POM121: variants seen among roughly 807,000 people sequenced by gnomAD.
POM121 encodes POM121 transmembrane nucleoporin, also known as nuclear envelope pore membrane protein POM 121.
A neutral mutation model predicts 81.3 loss-of-function variants in POM121; 32 were observed. The ratio of observed to expected loss-of-function variants is 0.39; its 90% CI spans 0.30 to 0.53. The LOEUF (loss-of-function observed/expected upper bound fraction) is 0.53, where lower values mean the gene tolerates loss of function less well. Ranked by LOEUF, POM121 falls within the 20% of genes least tolerant of loss-of-function variation. The pLI is 0.66. For missense variants in POM121, 1,138 were observed against 1,614.6 expected (o/e 0.70, Z 5.06); for synonymous variants, 514 against 694.2 (o/e 0.74, Z 4.08).
intron 5 of POM121, 121 bp from the exon 6 acceptor site, chr7:72,938,469 G>T: frequency 8.2e-7 from 1 of 1,213,282 alleles, no homozygotes; most frequent in Non-Finnish European, 1.2e-6. Context: ...GGGATTACAG[G>T]CATGACTAAC....
chr7:72,944,404 AGT>A (rs1797450264), intron 11 of POM121, among the ~76,000 whole-genome samples: 1 of 152,080 alleles, frequency 6.6e-6, no homozygotes, highest in Admixed American at 6.6e-5. Context: ...GTCAGGATAA[AGT>A]GTATAAAAAA....
At chr7:72,904,142 C>T (rs1245632585) in intron 3 of POM121, among the ~76,000 whole-genome samples, 4 of 152,170 alleles carry the variant, frequency 2.6e-5, no homozygotes, top group African/African-American at 9.6e-5. Context: ...TTACTCCCTG[C>T]CTGCAGGGAG....
At chr7:72,893,834 CCTT>C (rs1791567574) in intron 3 of POM121, among the ~76,000 whole-genome samples, 1 of 152,144 alleles carries the variant, frequency 6.6e-6, no homozygotes, top group Admixed American at 6.5e-5. Flanking sequence ...GGATCCCACT[CCTT>C]CGATGAAACT....
rs781891033 is a variant in POM121, at chr7:72,943,189, G to A, written c.3196G>A (p.Gly1066Ser). ...AFGGSTAVFFGAATSSGFGAT... is the reference protein window; with the variant it reads ...AFGGSTAVFFSAATSSGFGAT... Reference sequence around the variant, plus strand: ...TGGCGGCTCCACTGCTGTCTTCTTCGGTGCAGCCACCAGCTCCGGCTTTGG... The same window carrying A: ...TGGCGGCTCCACTGCTGTCTTCTTCAGTGCAGCCACCAGCTCCGGCTTTGG... Residue 1066 changes from glycine to serine, a missense_variant, in exon 11 of 13, where the codon GGT (glycine) becomes AGT (serine). Physicochemically the swap from Gly to Ser is moderately conservative, Grantham distance 56 (BLOSUM62 0). Around this residue, in one of 7 missense-constraint regions of POM121, gnomAD observed 336 missense variants for 344.3 expected, o/e 0.98. Coordinates refer to ENST00000434423, the MANE Select transcript of POM121 (RefSeq NM_001387691.1). The A allele has an allele frequency of 1.2e-5, 19 of 1,612,988 alleles. No homozygotes were observed. Among genetic ancestry groups the A allele is most frequent in the Admixed American group, 1.7e-5 (1 of 59,990 alleles).
At chr7:72,926,565 AAAAG>A in intron 2 of POM121, 88 bp downstream of exon 2, 5 of 1,580,458 alleles carry the variant, frequency 3.2e-6, no homozygotes, top group Non-Finnish European at 3.5e-6. Context: ...TACAACGCAG[AAAAG>A]AAAGGACGAA....
rs1488799255 is a variant in POM121, at chr7:72,946,597, G to C, written c.*363G>C. ...TTCCCCGAGACCGTCGTCGCTGGAG[G>C]GGGCAGGGTCCAGCCCGCCTGGATC... On this transcript the variant is annotated 3_prime_UTR_variant, in exon 13 of 13. Coordinates refer to ENST00000434423, the MANE Select transcript of POM121 (RefSeq NM_001387691.1). 4.9e-5 allele frequency: 51 copies of C among 1,034,752 alleles called. No individual in the cohort carries two copies. The highest frequency in any genetic ancestry group is 5.6e-5 in the Non-Finnish European group (48 of 861,904). 64.1% of individuals were successfully genotyped at this position (1,034,752 alleles called of 1,614,324 possible). A position where few individuals can be genotyped will look rare whatever the true frequency, so the allele number is the denominator to read the frequency against.
rs1586047614 is a variant in POM121, at chr7:72,879,622, G to C, written c.-784G>C. 1.0e-5 allele frequency: 3 copies of C among 300,428 alleles called. No homozygotes were observed. The Admixed American group carries it at 1.5e-4, about 15-fold the overall frequency. The allele number at this position is 300,428 out of a possible 1,614,324, so 18.6% of individuals were successfully genotyped here. On this transcript the variant is annotated 5_prime_UTR_variant, in exon 1 of 16. Coordinates refer to the POM121 transcript ENST00000395270. ...GTGGTGGCGGAGGCGAAGGGGCGAC[G>C]GGACCTGGGCCTGGCCCGTGTGTGT...
intron 3 of POM121, among the ~76,000 whole-genome samples, chr7:72,911,158 A>G (rs1793766197): frequency 6.6e-6 from 1 of 152,002 alleles, no homozygotes; most frequent in Admixed American, 6.6e-5. Flanking sequence ...TCATGTTTGT[A>G]TTATTAGTAG....
intron 3 of POM121, chr7:72,891,115 G>A: frequency 2.0e-6 from 2 of 1,008,426 alleles, no homozygotes; most frequent in Non-Finnish European, 3.1e-6. Flanking sequence ...GTCCAGGTAA[G>A]TTAGTAGAGT....
At chr7:72,949,372 A>C, downstream of POM121, 1 of 875,878 alleles carries the variant, frequency 1.1e-6, no homozygotes, top group Non-Finnish European at 2.0e-6. Flanking sequence ...GCGCGGATCT[A>C]AGGGGGAGAC....
chr7:72,950,022 C>T (rs529014813), downstream of POM121: 1 of 1,548,662 alleles, frequency 6.5e-7, no homozygotes, highest in East Asian at 2.2e-5. Context: ...CTTCCCGTGC[C>T]TACACATTCT....
chr7:72,926,813 T>C lies in POM121; in HGVS notation c.872T>C (p.Ile291Thr). The change falls in exon 3 of 13, where the codon ATA (isoleucine) becomes ACA (threonine). Residue 291 changes from isoleucine (I) to threonine (T), a missense_variant. By Grantham distance (89) the Ile-to-Thr change is moderately conservative. Around this residue, in one of 7 missense-constraint regions of POM121, gnomAD observed 646 missense variants for 633.5 expected, o/e 1.02. Coordinates refer to ENST00000434423, the MANE Select transcript of POM121 (RefSeq NM_001387691.1). ...GTCTTTCATTGTAGACCAGAGCAGA[T>C]AATCAGCTCAACACTGTCCTCACCA... ...RFSRSAIPEQ[I>T]ISSTLSSPSS... 1 of 1,613,908 alleles carries C rather than the reference T, an allele frequency of 6.2e-7. No homozygotes were observed. The highest frequency in any genetic ancestry group is 8.5e-7 in the Non-Finnish European group (1 of 1,179,836).
At chr7:72,894,140 TGTAGTC>T (rs1554491313) in intron 3 of POM121, among the ~76,000 whole-genome samples, 3 of 152,102 alleles carry the variant, frequency 2.0e-5, no homozygotes, top group East Asian at 3.9e-4. Flanking sequence ...GACACGCGCC[TGTAGTC>T]CCAGATATTT....
chr7:72,881,134 G>T (rs1790117276), intron 1 of POM121, among the ~76,000 whole-genome samples: 1 of 146,536 alleles, frequency 6.8e-6, no homozygotes, highest in Non-Finnish European at 1.5e-5. Context: ...GCGTGGTCTC[G>T]GCTCACTGCA....
chr7:72,923,950 T>G (rs1795093608), upstream of POM121, among the ~76,000 whole-genome samples: 1 of 146,148 alleles, frequency 6.8e-6, no homozygotes, highest in Non-Finnish European at 1.5e-5. Flanking sequence ...ATTGCAATTT[T>G]TTTTTCTTTT....
At chr7:72,926,562 C>A (rs1312603519) in intron 2 of POM121, 85 bp downstream of exon 2, 1 of 1,585,134 alleles carries the variant, frequency 6.3e-7, no homozygotes, top group South Asian at 1.1e-5. Flanking sequence ...GACTACAACG[C>A]AGAAAAGAAA....
intron 4 of POM121, 32 bp from the exon 5 acceptor site, chr7:72,929,908 A>G (rs370627416): frequency 7.4e-5 from 113 of 1,530,380 alleles, no homozygotes; most frequent in Non-Finnish European, 9.3e-5. Context: ...TTTGCCTTCA[A>G]TAAAGCATCT....
At chr7:72,945,350 G>A (rs1195363181) in intron 11 of POM121, among the ~76,000 whole-genome samples, 1 of 151,714 alleles carries the variant, frequency 6.6e-6, no homozygotes, top group Admixed American at 6.6e-5. Flanking sequence ...CGGGGCAGGG[G>A]GGCTTTTTCT....
intron 5 of POM121, among the ~76,000 whole-genome samples, chr7:72,934,701 G>A (rs543646493): frequency 6.6e-6 from 1 of 152,202 alleles, no homozygotes; most frequent in East Asian, 1.9e-4. Context: ...TTTGTGTTTG[G>A]TGGTGTTGGT....
Sources: gnomAD v4.1 joint callset for allele counts (sites outside exome capture counted in the v4.1 genomes callset) on GRCh38, gnomAD v4.1.1 for gene constraint, gnomAD v4.1.1 regional missense constraint, MANE v1.5 for transcripts, NCBI Gene and HGNC (gene_info 2026-07-23, HGNC 2026-07-21) for gene names.